LY96: variants seen among roughly 807,000 people sequenced by gnomAD.
LY96 encodes the protein myeloid differentiation protein-2.
In LY96, 18 loss-of-function variants were observed where a neutral mutation model predicts 18.9. The observed-to-expected ratio is 0.95, with a 90% CI of 0.66 to 1.41. LY96 has a LOEUF of 1.41. Among genes scored for constraint, LY96 ranks in the 40% most tolerant of loss-of-function variants. The pLI, the probability that LY96 is intolerant of heterozygous loss-of-function variation, is 0.00. For synonymous variants in LY96, 66 were observed against 62.6 expected (o/e 1.06, Z -0.26); for missense variants, 175 against 182.4 (o/e 0.96, Z 0.23).
At chr8:74,059,573 T>A in the LY96 span, among the ~76,000 whole-genome samples, 5 of 152,292 alleles carry the variant, frequency 3.3e-5, no homozygotes, top group African/African-American at 1.2e-4. Context: ...ATTCAATAAA[T>A]GGCATTGCCA....
chr8:74,020,231 A>T (rs948820389), intron 3 of LY96, among the ~76,000 whole-genome samples: 7 of 152,232 alleles, frequency 4.6e-5, no homozygotes, highest in African/African-American at 1.2e-4. Context: ...GTCTCAGGAT[A>T]TAAAATAATG....
chr8:74,030,308 T>G (rs1816949074), downstream of LY96, among the ~76,000 whole-genome samples: 1 of 151,906 alleles, frequency 6.6e-6, no homozygotes, highest in Non-Finnish European at 1.5e-5. Context: ...AGGTCAGGAG[T>G]TTGAGACCAG....
intron 2 of LY96, among the ~76,000 whole-genome samples, chr8:74,006,126 A>T (rs1816404576): frequency 6.6e-6 from 1 of 152,204 alleles, no homozygotes; most frequent in Non-Finnish European, 1.5e-5. Context: ...TTATTCACTA[A>T]AAAGATGCTT....
chr8:74,024,329 CTAT>C (rs960744516), intron 3 of LY96, among the ~76,000 whole-genome samples: 15 of 149,978 alleles, frequency 1.0e-4, no homozygotes, highest in South Asian at 6.3e-4. Context: ...GAGATAGAGC[CTAT>C]TATTATTATA....
At chr8:74,050,348 A>T in the LY96 span, among the ~76,000 whole-genome samples, 1 of 151,640 alleles carries the variant, frequency 6.6e-6, no homozygotes, top group Non-Finnish European at 1.5e-5. Context: ...ATCTCGATTA[A>T]AAAAAAAGTT....
At chr8:74,014,934 C>T (rs542672548) in intron 3 of LY96, among the ~76,000 whole-genome samples, 82 of 152,078 alleles carry the variant, frequency 5.4e-4, no homozygotes, top group African/African-American at 1.8e-3. Flanking sequence ...GGGCTGGGCA[C>T]GGTAGCTCAT....
At chr8:73,996,372 C>CTTTCTTTCTTTCTTTCTTTCTTTCTTT (rs756373007) in intron 1 of LY96, among the ~76,000 whole-genome samples, 1 of 110,910 alleles carries the variant, frequency 9.0e-6, no homozygotes, top group Non-Finnish European at 1.9e-5. Flanking sequence ...TTCCTTCATT[C>CTTTCTTTCTTTCTTTCTTTCTTTCTTT]CTTTCTTTCT....
chr8:74,039,792 C>T, the LY96 span, among the ~76,000 whole-genome samples: 11 of 152,152 alleles, frequency 7.2e-5, no homozygotes, highest in African/African-American at 2.7e-4. Context: ...CAAAGAGGAA[C>T]CAGGAGTACG....
intron 1 of LY96, among the ~76,000 whole-genome samples, chr8:74,002,041 TC>T (rs1816292581): frequency 3.0e-5 from 1 of 33,374 alleles, no homozygotes; most frequent in African/African-American, 2.1e-4. Flanking sequence ...CTTCCTTCCT[TC>T]CTTCCTTCCT....
At chr8:74,028,509 T>A (rs1816915090) in intron 4 of LY96, among the ~76,000 whole-genome samples, 1 of 152,190 alleles carries the variant, frequency 6.6e-6, no homozygotes, top group South Asian at 2.1e-4. Context: ...ATTACAGACT[T>A]TTTTTGTTCA....
At chr8:74,049,913 C>A in the LY96 span, among the ~76,000 whole-genome samples, 8 of 152,144 alleles carry the variant, frequency 5.3e-5, no homozygotes, top group South Asian at 1.7e-3. Flanking sequence ...AGCTACTCTG[C>A]TGGCTGAGGC....
chr8:74,053,150 A>G, the LY96 span, among the ~76,000 whole-genome samples: 1 of 152,160 alleles, frequency 6.6e-6, no homozygotes, highest in Non-Finnish European at 1.5e-5. Context: ...CAAGCTAGGA[A>G]GGTGGGCATG....
At chr8:74,089,227 G>A in the LY96 span, among the ~76,000 whole-genome samples, 2 of 152,138 alleles carry the variant, frequency 1.3e-5, no homozygotes, top group Non-Finnish European at 2.9e-5. Flanking sequence ...TTTATCTTTC[G>A]ATGGATTTTT....
the LY96 span, among the ~76,000 whole-genome samples, chr8:74,048,309 G>A: frequency 9.9e-5 from 15 of 150,926 alleles, no homozygotes; most frequent in African/African-American, 3.7e-4. Flanking sequence ...TCGCCTAGGC[G>A]GGAGTACAGT....
chr8:74,053,567 C>G, the LY96 span, among the ~76,000 whole-genome samples: 1 of 152,170 alleles, frequency 6.6e-6, no homozygotes, highest in Non-Finnish European at 1.5e-5. Flanking sequence ...TCCACAGCTC[C>G]TCTAGGGGTC....
chr8:74,003,228 A>G (rs1488699870), intron 1 of LY96, among the ~76,000 whole-genome samples: 1 of 152,154 alleles, frequency 6.6e-6, no homozygotes, highest in Non-Finnish European at 1.5e-5. Context: ...ACCTCGGGGG[A>G]AAGCAAGAGG....
chr8:74,036,223 G>A, the LY96 span, among the ~76,000 whole-genome samples: 15 of 152,318 alleles, frequency 9.8e-5, no homozygotes, highest in African/African-American at 3.4e-4. Context: ...TTCAGGGGCT[G>A]AAGCCACCTT....
the LY96 span, among the ~76,000 whole-genome samples, chr8:74,061,369 G>T: frequency 6.6e-6 from 1 of 152,190 alleles, no homozygotes; most frequent in Non-Finnish European, 1.5e-5. Flanking sequence ...TGTCTGCTTT[G>T]CAGAAAGAGG....
chr8:74,034,167 G>A, the LY96 span, among the ~76,000 whole-genome samples: 3 of 152,150 alleles, frequency 2.0e-5, no homozygotes, highest in African/African-American at 7.2e-5. Flanking sequence ...GAGGCCAGAA[G>A]TTTGATCAGC....
Sources: gnomAD v4.1 joint callset for allele counts (sites outside exome capture counted in the v4.1 genomes callset) on GRCh38, gnomAD v4.1.1 for gene constraint, MANE v1.5 for transcripts, NCBI Gene and HGNC (gene_info 2026-07-23, HGNC 2026-07-21) for gene names.